QRFPR: variants seen among roughly 807,000 people sequenced by gnomAD.
QRFPR encodes pyroglutamylated RFamide peptide receptor, also known as pyroglutamylated RF-amide peptide receptor.
QRFPR carries 37 observed loss-of-function variants against 31.3 expected under a neutral mutation model. The observed-to-expected ratio is 1.18, with a 90% CI of 0.91 to 1.56. The LOEUF (loss-of-function observed/expected upper bound fraction) is 1.56, where lower values mean the gene tolerates loss of function less well. QRFPR is among the 40% of genes most tolerant of loss of function. QRFPR has a pLI of 0.00. For synonymous variants in QRFPR, 197 were observed against 192.0 expected (o/e 1.03, Z -0.22); for missense variants, 542 against 532.5 (o/e 1.02, Z -0.18).
At position 121,360,453 on chromosome 4, in the gene QRFPR, A is replaced by G. The variant is rs762205597; in HGVS notation, c.341-19843T>C. On this transcript the variant is annotated intron_variant, in intron 1 of 5. Coordinates refer to ENST00000394427, the MANE Select transcript of QRFPR (RefSeq NM_198179.3). ...ATTATCACTTCGATGGACCAGGATT[A>G]TGATACTGCTGAGTTCTGATGGGTT... Among the ~76,000 whole-genome samples the G allele has an allele frequency of 3.3e-5, 5 of 152,174 alleles. No homozygotes were observed. The South Asian group carries it at 8.3e-4, about 25-fold the overall frequency.
At position 121,359,707 on chromosome 4, in the gene QRFPR, GTGTGTGTGTATATA is replaced by G. The variant is rs1172114064; in HGVS notation, c.341-19111_341-19098del. On this transcript the variant is annotated intron_variant, in intron 1 of 5. Transcript: ENST00000394427. ...TATGTGTGTATATATGTGTGTATGTGTGTGTGTGTATATATGTGTGTGTATATATATATTTGTGT... is the reference window on the plus strand; with the variant it reads ...TATGTGTGTATATATGTGTGTATGTGTGTGTGTGTATATATATATTTGTGT... 5.7e-3 allele frequency among the ~76,000 whole-genome samples: 857 copies of G among 151,570 alleles called. 12 individuals carry two copies. Among genetic ancestry groups the G allele is most frequent in the African/African-American group, 0.02 (825 of 41,288 alleles).
intron 1 of QRFPR, among the ~76,000 whole-genome samples, chr4:121,354,727 T>C (rs1725832911): frequency 6.6e-6 from 1 of 152,072 alleles, no homozygotes; most frequent in South Asian, 2.1e-4. Context: ...ATGTTCCTTC[T>C]ATACCCAATT....
intron 1 of QRFPR, chr4:121,369,987 A>G (rs1054960396): frequency 3.8e-5 from 29 of 765,240 alleles, no homozygotes; most frequent in Middle Eastern, 3.6e-4. Flanking sequence ...GTTGCCCAAA[A>G]TGCTGAAAGC....
Position 121,328,646 on chromosome 4 carries a change from C to T in QRFPR, c.*668G>A, listed in dbSNP as rs1325229774. On this transcript the variant is annotated 3_prime_UTR_variant, in exon 6 of 6. Coordinates refer to ENST00000394427, the MANE Select transcript of QRFPR (RefSeq NM_198179.3). ...TATTCAATCTAGCAATACATAGTCACATTACAGTGACTGCGTGGGAGAAAA... is the reference window on the plus strand; with the variant it reads ...TATTCAATCTAGCAATACATAGTCATATTACAGTGACTGCGTGGGAGAAAA... Among the ~76,000 whole-genome samples the T allele has an allele frequency of 1.3e-5, 2 of 152,206 alleles. No individual in the cohort carries two copies. The highest frequency in any genetic ancestry group is 4.8e-5 in the African/African-American group (2 of 41,440).
At chr4:121,380,287 G>A (rs371632274) in intron 1 of QRFPR, 21 bp downstream of exon 1, 62 of 1,548,630 alleles carry the variant, frequency 4.0e-5, no homozygotes, top group Middle Eastern at 1.7e-4. Context: ...AAGGAGCGAA[G>A]GAGCGGGGCG....
chr4:121,369,018 G>T (rs999660843), intron 1 of QRFPR, among the ~76,000 whole-genome samples: 1 of 152,042 alleles, frequency 6.6e-6, no homozygotes, highest in African/African-American at 2.4e-5. Flanking sequence ...AATTTAACAG[G>T]TTTTTTACTT....
intron 1 of QRFPR, chr4:121,369,524 A>G (rs1726192429): frequency 3.9e-6 from 6 of 1,550,472 alleles, no homozygotes; most frequent in Non-Finnish European, 4.4e-6. Flanking sequence ...TGGGAAGTCC[A>G]TCTTGGGTGG....
chr4:121,364,596 C>A (rs1408466706), intron 1 of QRFPR, among the ~76,000 whole-genome samples: 1 of 147,812 alleles, frequency 6.8e-6, no homozygotes, highest in African/African-American at 2.5e-5. Context: ...GCCGAGATTG[C>A]GCCACTGCAC....
chr4:121,347,399 A>G (rs565179707), intron 1 of QRFPR, among the ~76,000 whole-genome samples: 1 of 152,220 alleles, frequency 6.6e-6, no homozygotes, highest in Admixed American at 6.5e-5. Context: ...GATGATAGAT[A>G]TAGATTACCT....
Position 121,357,367 on chromosome 4 carries a change from G to T in QRFPR, c.341-16757C>A, listed in dbSNP as rs1185252356. Among the ~76,000 whole-genome samples, 3 of 152,094 alleles carry T rather than the reference G, an allele frequency of 2.0e-5. No homozygotes were observed. In the East Asian group the frequency reaches 5.8e-4, roughly 29 times the overall value. On this transcript the variant is annotated intron_variant, in intron 1 of 5. Transcript: ENST00000394427. ...TAGTCAAGAACGTAGGGGGTGGAAA[G>T]GAGAGAAAGAAAGAAGGCAGTCGAA...
chr4:121,364,397 G>C (rs1184167811), intron 1 of QRFPR, among the ~76,000 whole-genome samples: 1 of 150,120 alleles, frequency 6.7e-6, no homozygotes, highest in African/African-American at 2.5e-5. Context: ...AGCACTTTGG[G>C]AGGCCGAGGC....
chr4:121,380,532 T>G lies in QRFPR; in HGVS notation c.116A>C (p.Glu39Ala). ...YRLRPLVYTP[E>A]LPGRAKLALV... ...GGCCAGCTTGGCGCGTCCCGGCAGCTCTGGGGTGTAGACGAGCGGTCGCAG... is the reference window on the plus strand; with the variant it reads ...GGCCAGCTTGGCGCGTCCCGGCAGCGCTGGGGTGTAGACGAGCGGTCGCAG... Residue 39 changes from glutamate (E) to alanine (A), a missense_variant, in exon 1 of 6, where the codon GAG becomes GCG. By Grantham distance (107) the Glu-to-Ala change is moderately radical. Coordinates refer to ENST00000394427, the MANE Select transcript of QRFPR (RefSeq NM_198179.3). 1 of 1,613,184 alleles carries G rather than the reference T, an allele frequency of 6.2e-7. No individual in the cohort carries two copies. The highest frequency in any genetic ancestry group is 8.5e-7 in the Non-Finnish European group (1 of 1,179,600).
intron 1 of QRFPR, among the ~76,000 whole-genome samples, chr4:121,366,101 A>G (rs1726130845): frequency 6.7e-6 from 1 of 149,286 alleles, no homozygotes; most frequent in Admixed American, 6.7e-5. Flanking sequence ...CCCTGCACAA[A>G]CAGGGCCAAA....
At chr4:121,337,146 A>G (rs1725451221) in intron 2 of QRFPR, among the ~76,000 whole-genome samples, 1 of 152,118 alleles carries the variant, frequency 6.6e-6, no homozygotes. Flanking sequence ...GTTCTCTACC[A>G]TCTCAATTGC....
intron 1 of QRFPR, among the ~76,000 whole-genome samples, chr4:121,349,073 G>C (rs890824824): frequency 1.3e-5 from 2 of 151,668 alleles, no homozygotes. Context: ...CTCCAGCCTG[G>C]GTGACAGAGC....
Position 121,329,139 on chromosome 4 carries a change from T to G in QRFPR, c.*175A>C, listed in dbSNP as rs1476310023. Reference sequence around the variant, plus strand: ...AATCTGTTAAATGATTGTGATCAATTGGTTGTAAACATCACTGCACTTGGA... The same window carrying G: ...AATCTGTTAAATGATTGTGATCAATGGGTTGTAAACATCACTGCACTTGGA... On this transcript the variant is annotated 3_prime_UTR_variant, in exon 6 of 6. Transcript: ENST00000394427. 3.8e-6 allele frequency: 2 copies of G among 522,972 alleles called. No individual in the cohort carries two copies. The highest frequency in any genetic ancestry group is 6.6e-6 in the Non-Finnish European group (2 of 303,820). 32.4% of individuals were successfully genotyped at this position (522,972 alleles called of 1,614,324 possible).
intron 1 of QRFPR, among the ~76,000 whole-genome samples, chr4:121,375,719 G>A (rs11729700): frequency 0.17 from 25,292 of 152,174 alleles, 2,561 homozygotes; most frequent in Non-Finnish European, 0.24. Context: ...AAGAAAAGAG[G>A]TTGCATGCTA....
intron 1 of QRFPR, chr4:121,369,503 C>T (rs1726192136): frequency 2.1e-6 from 3 of 1,423,562 alleles, no homozygotes; most frequent in Admixed American, 3.6e-5. Context: ...CTGTTTCCTC[C>T]CTTCCGTCAC....
intron 1 of QRFPR, among the ~76,000 whole-genome samples, chr4:121,346,579 T>G (rs1725655338): frequency 6.6e-6 from 1 of 152,250 alleles, no homozygotes; most frequent in East Asian, 1.9e-4. Context: ...CAATTTTGCA[T>G]AAGAGTGGTG....
Sources: allele counts gnomAD v4.1 joint callset (sites outside exome capture counted in the v4.1 genomes callset), GRCh38; gene constraint gnomAD v4.1.1; transcripts MANE v1.5; gene names NCBI Gene and HGNC (gene_info 2026-07-23, HGNC 2026-07-21).